Variants in ARFGEF1 observed in about 807,000 individuals in gnomAD.
ARFGEF1 encodes the protein ARF guanine nucleotide exchange factor 1, also known as brefeldin A-inhibited guanine nucleotide-exchange protein 1.
In ARFGEF1, 42 loss-of-function variants were observed where a neutral mutation model predicts 231.0. That is an observed-to-expected ratio of 0.18 (90% confidence interval 0.14 to 0.24). The LOEUF is 0.24. Ranked by LOEUF, ARFGEF1 falls within the 10% of genes least tolerant of loss-of-function variation. The pLI is 1.00. For missense variants in ARFGEF1, 1,345 were observed against 2,192.0 expected (o/e 0.61, Z 7.72); for synonymous variants, 710 against 732.3 (o/e 0.97, Z 0.49).
chr8:67,201,875 G>A, intron 36 of ARFGEF1: 1 of 384,008 alleles, frequency 2.6e-6, no homozygotes, highest in Non-Finnish European at 4.7e-6. Context: ...AGCTGTGGAA[G>A]GGGCCATGTG....
chr8:67,307,029 C>T (rs1806778606), intron 1 of ARFGEF1, among the ~76,000 whole-genome samples: 1 of 152,184 alleles, frequency 6.6e-6, no homozygotes, highest in Non-Finnish European at 1.5e-5. Flanking sequence ...TCCACCTGCC[C>T]TGGCCTCCCA....
Position 67,198,994 on chromosome 8 carries a change from G to T in ARFGEF1, c.5490C>A (p.Ile1830=). 4 of 1,612,508 alleles carry T rather than the reference G, an allele frequency of 2.5e-6. No homozygotes were observed. Among genetic ancestry groups the T allele is most frequent in the Non-Finnish European group, 3.4e-6 (4 of 1,179,616 alleles). Residue 1830 remains isoleucine, a synonymous_variant, in exon 39 of 39, where the codon ATC becomes ATA. Transcript: ENST00000262215. The part of the protein sequence containing the change: ...RAVLRRFFLR[I]GVVFQISQPP... ...GTTGTGATATCTGAAAAACTACTCC[G>T]ATTCGCAGAAAAAATCTTCTAAGAA...
intron 1 of ARFGEF1, among the ~76,000 whole-genome samples, chr8:67,319,410 AGAT>A (rs1807473200): frequency 6.6e-6 from 1 of 151,992 alleles, no homozygotes; most frequent in Non-Finnish European, 1.5e-5. Context: ...ACAGAACTAT[AGAT>A]GATTAATTTT....
intron 27 of ARFGEF1, 136 bp from the exon 28 acceptor site, chr8:67,226,319 T>G: frequency 1.3e-6 from 1 of 794,832 alleles, no homozygotes; most frequent in Non-Finnish European, 1.9e-6. Flanking sequence ...GATACGAAGT[T>G]CAAGACTATC....
Position 67,343,305 on chromosome 8 carries a change from C to T in ARFGEF1, c.-18G>A, listed in dbSNP as rs371891537. 1.2e-6 allele frequency: 2 copies of T among 1,608,944 alleles called. No individual in the cohort carries two copies. The highest frequency in any genetic ancestry group is 1.3e-5 in the African/African-American group (1 of 74,910). Reference sequence around the variant, plus strand: ...TCATACATGGACGCAGAGAAGGAGGCGGCGGCTCGTCCGACCCGCGGCTCC... The same window carrying T: ...TCATACATGGACGCAGAGAAGGAGGTGGCGGCTCGTCCGACCCGCGGCTCC... On this transcript the variant is annotated 5_prime_UTR_variant, in exon 1 of 39. Transcript: ENST00000262215.
intron 7 of ARFGEF1, among the ~76,000 whole-genome samples, chr8:67,280,430 A>G (rs1805487270): frequency 6.6e-6 from 1 of 152,250 alleles, no homozygotes; most frequent in African/African-American, 2.4e-5. Context: ...ATGCTGCAAT[A>G]AACACAGAAG....
intron 5 of ARFGEF1, among the ~76,000 whole-genome samples, chr8:67,295,043 C>T (rs1031877584): frequency 1.3e-5 from 2 of 151,640 alleles, no homozygotes; most frequent in Non-Finnish European, 2.9e-5. Flanking sequence ...ATAATTTGGG[C>T]AACAAAATAA....
At chr8:67,334,348 T>C (rs758440422) in intron 1 of ARFGEF1, among the ~76,000 whole-genome samples, 4 of 149,782 alleles carry the variant, frequency 2.7e-5, no homozygotes, top group Non-Finnish European at 4.4e-5. Flanking sequence ...ATAAAGGATA[T>C]TTAATCTGTA....
chr8:67,280,845 A>G (rs1246400934), intron 7 of ARFGEF1, among the ~76,000 whole-genome samples: 2 of 152,232 alleles, frequency 1.3e-5, no homozygotes, highest in Non-Finnish European at 2.9e-5. Context: ...GATTGATCAA[A>G]TCTAGTCTCT....
At chr8:67,260,927 AAAG>A (rs1212777766) in intron 14 of ARFGEF1, among the ~76,000 whole-genome samples, 2 of 152,220 alleles carry the variant, frequency 1.3e-5, no homozygotes, top group African/African-American at 4.8e-5. Context: ...TCACGTGTGA[AAAG>A]AAGATCAAAC....
intron 3 of ARFGEF1, among the ~76,000 whole-genome samples, chr8:67,300,851 TAA>T (rs762595248): frequency 1.5e-5 from 2 of 130,936 alleles, no homozygotes; most frequent in African/African-American, 2.8e-5. Flanking sequence ...CTCAAAAAAT[TAA>T]AAAAAAAAAA....
chr8:67,313,977 C>T (rs1486030066), intron 1 of ARFGEF1, among the ~76,000 whole-genome samples: 1 of 151,964 alleles, frequency 6.6e-6, no homozygotes, highest in Non-Finnish European at 1.5e-5. Flanking sequence ...ATTCCCAGGT[C>T]ACTGGAGTTG....
At chr8:67,183,843 ATTTT>A (rs918103972) in intron 5 of ARFGEF1, among the ~76,000 whole-genome samples, 122 of 108,212 alleles carry the variant, frequency 1.1e-3, no homozygotes, top group African/African-American at 4.4e-3. Flanking sequence ...AAAATTGGGA[ATTTT>A]TTTTTTTTTT....
At position 67,299,362 on chromosome 8, in the gene ARFGEF1, T is replaced by C; in HGVS notation, c.313-7A>G. On this transcript the variant is annotated splice_polypyrimidine_tract_variant and splice_region_variant and intron_variant, in intron 3 of 38. Coordinates refer to ENST00000262215, the MANE Select transcript of ARFGEF1 (RefSeq NM_006421.5). ...GCCCATAAGCAATAAGTTTCTAAAA[T>C]GGAGAAAGAAAACAAAGATCCTAAG... 3.1e-6 allele frequency: 5 copies of C among 1,599,434 alleles called. No homozygotes were observed. Among genetic ancestry groups the C allele is most frequent in the Middle Eastern group, 3.3e-4 (2 of 6,020 alleles).
At chr8:67,223,592 C>CT (rs1385777043) in intron 29 of ARFGEF1, among the ~76,000 whole-genome samples, 1 of 152,132 alleles carries the variant, frequency 6.6e-6, no homozygotes, top group Non-Finnish European at 1.5e-5. Context: ...TTTCTCTCTC[C>CT]TTTACTAACT....
chr8:67,322,915 G>C (rs183788843), intron 1 of ARFGEF1, among the ~76,000 whole-genome samples: 19 of 152,224 alleles, frequency 1.2e-4, no homozygotes, highest in Admixed American at 1.2e-3. Flanking sequence ...ACATTCATCA[G>C]GCTTAGAATA....
At chr8:67,312,233 T>TA (rs796810454) in intron 1 of ARFGEF1, among the ~76,000 whole-genome samples, 62 of 86,170 alleles carry the variant, frequency 7.2e-4, no homozygotes, top group African/African-American at 1.7e-3. Flanking sequence ...GAATTATCAA[T>TA]AAAAAAAAAA....
At chr8:67,328,415 T>C (rs1048550819) in intron 1 of ARFGEF1, among the ~76,000 whole-genome samples, 15 of 152,236 alleles carry the variant, frequency 9.9e-5, no homozygotes, top group African/African-American at 2.4e-4. Flanking sequence ...TCCTAGAATA[T>C]AGCAGTTTGC....
Position 67,199,023 on chromosome 8 carries a change from C to T in ARFGEF1, c.5461G>A (p.Ala1821Thr). Residue 1821 changes from alanine to threonine, a missense_variant, in exon 39 of 39, where the codon GCT (alanine) becomes ACT (threonine). Ala to Thr is a moderately conservative substitution (Grantham distance 58). Coordinates refer to ENST00000262215, the MANE Select transcript of ARFGEF1 (RefSeq NM_006421.5). ...MQFDLIPELRAVLRRFFLRIG... is the reference protein window; with the variant it reads ...MQFDLIPELRTVLRRFFLRIG... ...CGCAGAAAAAATCTTCTAAGAACAGCACGAAGTTCAGGAATCAAGTCAAAT... is the reference window on the plus strand; with the variant it reads ...CGCAGAAAAAATCTTCTAAGAACAGTACGAAGTTCAGGAATCAAGTCAAAT... The T allele has an allele frequency of 6.2e-7, 1 of 1,612,312 alleles. No individual in the cohort carries two copies.
Sources: gnomAD v4.1 joint callset for allele counts (sites outside exome capture counted in the v4.1 genomes callset) on GRCh38, gnomAD v4.1.1 for gene constraint, MANE v1.5 for transcripts, NCBI Gene and HGNC (gene_info 2026-07-23, HGNC 2026-07-21) for gene names.